The following LINGO2 variants were observed in gnomAD, a reference collection of about 807,000 sequenced individuals.
LINGO2 encodes the protein leucine rich repeat and Ig domain containing 2, also known as leucine-rich repeat and immunoglobulin-like domain-containing nogo receptor-interacting protein 2.
LINGO2 carries 14 observed loss-of-function variants against 30.6 expected under a neutral mutation model. That is an observed-to-expected ratio of 0.46 (90% CI 0.30 to 0.72). LINGO2 has a LOEUF of 0.72. LINGO2 is among the 30% of genes least tolerant of loss of function. The pLI, the probability that LINGO2 is intolerant of heterozygous loss-of-function variation, is 0.07. For synonymous variants in LINGO2, 317 were observed against 288.5 expected (o/e 1.10, Z -1.00); for missense variants, 729 against 751.7 (o/e 0.97, Z 0.35).
chr9:28,360,042 A>G (rs529484144), intron 3 of LINGO2, among the ~76,000 whole-genome samples: 2 of 152,308 alleles, frequency 1.3e-5, no homozygotes, highest in East Asian at 3.9e-4. Flanking sequence ...GAGCATGTAC[A>G]CTAAAACTTT....
At chr9:28,708,922 G>T in the LINGO2 span, among the ~76,000 whole-genome samples, 1 of 151,962 alleles carries the variant, frequency 6.6e-6, no homozygotes, top group African/African-American at 2.4e-5. Flanking sequence ...TTCTTGTTCA[G>T]ATGCAACCAA....
intron 3 of LINGO2, among the ~76,000 whole-genome samples, chr9:28,342,769 C>G (rs755899858): frequency 2.0e-5 from 3 of 151,846 alleles, no homozygotes; most frequent in Non-Finnish European, 4.4e-5. Context: ...GAAAATGACT[C>G]TACATGGTTA....
the LINGO2 span, among the ~76,000 whole-genome samples, chr9:28,865,515 G>C: frequency 6.6e-6 from 1 of 152,140 alleles, no homozygotes; most frequent in Admixed American, 6.5e-5. Flanking sequence ...GGGTGTGGTG[G>C]TTCACGTCTG....
At chr9:28,992,750 G>C in the LINGO2 span, among the ~76,000 whole-genome samples, 3 of 152,048 alleles carry the variant, frequency 2.0e-5, no homozygotes, top group African/African-American at 7.2e-5. Flanking sequence ...TGAACAACCT[G>C]CTCCTGAGTG....
At chr9:28,627,724 TAA>T (rs1295547140) in intron 1 of LINGO2, among the ~76,000 whole-genome samples, 3 of 152,074 alleles carry the variant, frequency 2.0e-5, no homozygotes, top group Admixed American at 6.6e-5. Flanking sequence ...ATATTTTATA[TAA>T]GTCTCTTTTT....
the LINGO2 span, among the ~76,000 whole-genome samples, chr9:29,150,683 A>C: frequency 6.6e-6 from 1 of 152,210 alleles, no homozygotes; most frequent in Admixed American, 6.5e-5. Context: ...GAGCTCGAAG[A>C]CCAGTTATTT....
At chr9:28,683,750 T>G in the LINGO2 span, among the ~76,000 whole-genome samples, 1 of 152,174 alleles carries the variant, frequency 6.6e-6, no homozygotes, top group Non-Finnish European at 1.5e-5. Flanking sequence ...AAGTTTGTCA[T>G]TCACTCATTC....
At chr9:28,317,036 AACTCTCTTTTTCTT>A (rs1417022074) in intron 3 of LINGO2, among the ~76,000 whole-genome samples, 8 of 152,222 alleles carry the variant, frequency 5.3e-5, no homozygotes, top group African/African-American at 1.9e-4. Context: ...TGAAGAGGTT[AACTCTCTTTTTCTT>A]AGAAAAACTA....
intron 1 of LINGO2, among the ~76,000 whole-genome samples, chr9:28,525,808 C>A (rs962255991): frequency 6.6e-6 from 1 of 152,118 alleles, no homozygotes; most frequent in Admixed American, 6.5e-5. Context: ...GTAATCTCAG[C>A]ACTTTGGGAG....
chr9:28,678,964 C>G, the LINGO2 span, among the ~76,000 whole-genome samples: 2 of 151,940 alleles, frequency 1.3e-5, no homozygotes, highest in Non-Finnish European at 2.9e-5. Flanking sequence ...TACAGATCAG[C>G]GATTTTGGGG....
chr9:29,088,546 C>G, the LINGO2 span, among the ~76,000 whole-genome samples: 1 of 152,248 alleles, frequency 6.6e-6, no homozygotes, highest in South Asian at 2.1e-4. Context: ...TGTGATCACA[C>G]TGCAATTTTA....
At chr9:28,791,954 C>G in the LINGO2 span, among the ~76,000 whole-genome samples, 1 of 151,140 alleles carries the variant, frequency 6.6e-6, no homozygotes, top group South Asian at 2.1e-4. Flanking sequence ...CAGTAATTAT[C>G]ATATAATTAT....
At chr9:28,811,579 C>T in the LINGO2 span, among the ~76,000 whole-genome samples, 1 of 152,230 alleles carries the variant, frequency 6.6e-6, no homozygotes, top group East Asian at 1.9e-4. Context: ...ACACTCACTT[C>T]CTTTTAGCAA....
chr9:29,153,846 G>A, the LINGO2 span, among the ~76,000 whole-genome samples: 11 of 151,940 alleles, frequency 7.2e-5, no homozygotes, highest in African/African-American at 2.4e-4. Flanking sequence ...ACAGATCAAC[G>A]CCCATGTAAT....
chr9:28,121,935 T>C (rs1827107855), intron 4 of LINGO2, among the ~76,000 whole-genome samples: 1 of 152,218 alleles, frequency 6.6e-6, no homozygotes, highest in Non-Finnish European at 1.5e-5. Context: ...TTTAAATTCC[T>C]AGGAATTGAA....
the LINGO2 span, among the ~76,000 whole-genome samples, chr9:29,111,419 C>T: frequency 6.6e-6 from 1 of 152,012 alleles, no homozygotes. Flanking sequence ...AAGTCCCTTC[C>T]CATCAATTCT....
At chr9:28,986,816 T>A in the LINGO2 span, among the ~76,000 whole-genome samples, 1 of 152,000 alleles carries the variant, frequency 6.6e-6, no homozygotes, top group African/African-American at 2.4e-5. Flanking sequence ...TCATGTAATT[T>A]ATAAAATAAT....
At chr9:28,973,926 A>T in the LINGO2 span, among the ~76,000 whole-genome samples, 1 of 152,230 alleles carries the variant, frequency 6.6e-6, no homozygotes. Flanking sequence ...AACGAACATT[A>T]ATGAGCAATA....
chr9:29,003,734 C>T, the LINGO2 span, among the ~76,000 whole-genome samples: 1 of 151,992 alleles, frequency 6.6e-6, no homozygotes, highest in Non-Finnish European at 1.5e-5. Flanking sequence ...TCCAGAGAAT[C>T]GCCAAGCCTT....
Sources: gnomAD v4.1 joint callset for allele counts (sites outside exome capture counted in the v4.1 genomes callset) on GRCh38, gnomAD v4.1.1 for gene constraint, MANE v1.5 for transcripts, NCBI Gene and HGNC (gene_info 2026-07-23, HGNC 2026-07-21) for gene names.